Variants in MMEL1 observed in about 807,000 individuals in gnomAD.
MMEL1 encodes membrane metalloendopeptidase like 1, also known as membrane metallo-endopeptidase-like 1.
MMEL1 carries 98 observed loss-of-function variants against 117.1 expected under a neutral mutation model. That is an observed-to-expected ratio of 0.84 (90% CI 0.71 to 0.99). MMEL1 has a LOEUF of 0.99. MMEL1 is among the 50% of genes least tolerant of loss of function. MMEL1 has a pLI of 0.00. For missense variants in MMEL1, 1,014 were observed against 1,049.1 expected, an observed-to-expected ratio of 0.97 and a Z score of 0.46; for synonymous variants, 390 against 415.1, an observed-to-expected ratio of 0.94 and a Z score of 0.74.
intron 22 of MMEL1, 131 bp from the exon 23 acceptor site, chr1:2,591,764 C>T (rs956401887): frequency 3.9e-6 from 4 of 1,027,958 alleles, no homozygotes; most frequent in Non-Finnish European, 6.1e-6. Flanking sequence ...TGCTCCCCTC[C>T]TCCCATCAGC....
In MMEL1 at chr1:2,591,973, C is replaced by T. The variant is rs144423087; in HGVS notation, c.2122G>A (p.Asp708Asn). ...AAGAAGAGCTGCTCATGGGTGAGAT[C>T]CAGGCCGGGCAGCTGCTGGTCCTTG... is the stretch of plus-strand genomic sequence containing the variant. Reference protein sequence around the residue: ...GGKDQQLPGLDLTHEQLFFIN... With the variant: ...GGKDQQLPGLNLTHEQLFFIN... Residue 708 changes from aspartate to asparagine, a missense_variant, in exon 22 of 24, where the codon GAT (aspartate) becomes AAT (asparagine). Physicochemically the swap from Asp to Asn is conservative, Grantham distance 23. Transcript: ENST00000378412. The T allele has an allele frequency of 1.5e-3, 2,409 of 1,613,340 alleles. 30 individuals are homozygous for T. Among genetic ancestry groups the T allele is most frequent in the South Asian group, 0.012 (1,103 of 91,086 alleles).
intron 4 of MMEL1, 109 bp downstream of exon 4, chr1:2,611,172 G>A (rs1645119502): frequency 4.5e-6 from 5 of 1,120,772 alleles, no homozygotes; most frequent in African/African-American, 3.2e-5. Context: ...TCCACCGCCC[G>A]CCGTGTCTTG....
chr1:2,594,392 G>A lies in MMEL1; in HGVS notation c.1740C>T (p.Asn580=). 6.4e-7 allele frequency: 1 copy of A among 1,551,842 alleles called. No individual in the cohort carries two copies. The highest frequency in any genetic ancestry group is 8.7e-7 in the Non-Finnish European group (1 of 1,147,020). ...GGAGGGGGAGGAACTTACCAATCTG[G>A]TTTCGGTTTGGGGAGTAGAACGCAT... is the stretch of plus-strand genomic sequence containing the variant. The part of the protein sequence containing the change: ...VVNAFYSPNR[N]QIVFPAGILQ... Residue 580 remains asparagine (N), a synonymous_variant, in exon 18 of 24, where the codon AAC becomes AAT. Transcript: ENST00000378412.
chr1:2,607,559 G>A (rs906016376), intron 6 of MMEL1, among the ~76,000 whole-genome samples: 2 of 152,232 alleles, frequency 1.3e-5, no homozygotes, highest in Admixed American at 1.3e-4. Context: ...GCCCCGACAA[G>A]CAGGGCTTTT....
rs537949401 is a variant in MMEL1, at chr1:2,590,931, C to T, written c.*59G>A. On this transcript the variant is annotated 3_prime_UTR_variant, in exon 24 of 24. Transcript: ENST00000378412. ...ACTGGGTCGCCGCTAGCTGCACCTT[C>T]GCACAGATGCCTCCGAGCAGCGGGT... 4.7e-5 allele frequency: 63 copies of T among 1,337,148 alleles called. No homozygotes were observed. Among genetic ancestry groups the T allele is most frequent in the South Asian group, 1.0e-4 (6 of 59,286 alleles). The allele number at this position is 1,337,148 out of a possible 1,614,324, so 82.8% of individuals were successfully genotyped here. A position where few individuals can be genotyped will look rare whatever the true frequency, so the allele number is the denominator to read the frequency against.
In MMEL1 at chr1:2,612,164, TAAG is replaced by T. The variant is rs746376168; in HGVS notation, c.192_194del (p.Phe64del). The T allele has an allele frequency of 8.2e-6, 13 of 1,582,494 alleles. 1 individual carries two copies. The Admixed American group carries it at 2.3e-4, about 28-fold the overall frequency. On this transcript the variant is annotated inframe_deletion, in exon 3 of 24. Coordinates refer to ENST00000378412, the MANE Select transcript of MMEL1 (RefSeq NM_033467.4). This position sits in a 1 kb window ranked among gnomAD's most constrained non-coding sequence, Gnocchi z 5.4. ...GTTTTACAAAGGTCCTCTCCTCCTG[TAAG>T]AAGCACAGCCGGCTAGCAAGGCGTG...
At position 2,597,718 on chromosome 1, in the gene MMEL1, C is replaced by A. The variant is rs140440581; in HGVS notation, c.1272+489G>T. On this transcript the variant is annotated intron_variant, in intron 13 of 23. Transcript: ENST00000378412. ...ACTACAGGAGCAGCATATCTGACCG[C>A]GTCTCTGCTCTTAGCACCCCTGCGG... Among the ~76,000 whole-genome samples the A allele has an allele frequency of 2.4e-3, 370 of 152,328 alleles. 2 individuals are homozygous for A. Among genetic ancestry groups the A allele is most frequent in the East Asian group, 0.023 (118 of 5,178 alleles).
In MMEL1 at chr1:2,612,311, G is replaced by A. The variant is rs766419410; in HGVS notation, c.155-107C>T. Reference sequence around the variant, plus strand: ...CCATCTTCCCACAGTGCTGGGTGCTGCAGCCCTACCCCTGTAGTGAGGGCT... The same window carrying A: ...CCATCTTCCCACAGTGCTGGGTGCTACAGCCCTACCCCTGTAGTGAGGGCT... On this transcript the variant is annotated intron_variant, in intron 2 of 23. Coordinates refer to ENST00000378412, the MANE Select transcript of MMEL1 (RefSeq NM_033467.4). The surrounding 1 kb of genome is among the most constrained non-coding windows in gnomAD (Gnocchi z 5.4). 2.2e-6 allele frequency: 2 copies of A among 907,994 alleles called. No homozygotes were observed. The highest frequency in any genetic ancestry group is 3.4e-6 in the Non-Finnish European group (2 of 580,184). 56.2% of individuals were successfully genotyped at this position (907,994 alleles called of 1,614,324 possible).
At chr1:2,615,568 G>C (rs548676231) in intron 2 of MMEL1, among the ~76,000 whole-genome samples, 2 of 152,326 alleles carry the variant, frequency 1.3e-5, no homozygotes, top group South Asian at 4.1e-4. Context: ...GAGGACATGA[G>C]GGAAAACGGG....
chr1:2,600,118 C>T (rs1198716936), intron 11 of MMEL1, among the ~76,000 whole-genome samples: 4 of 151,984 alleles, frequency 2.6e-5, no homozygotes, highest in Admixed American at 2.6e-4. Context: ...CAGGCATGTG[C>T]TAACACACCT....
At position 2,595,607 on chromosome 1, in the gene MMEL1, A is replaced by C. The variant is rs946322335; in HGVS notation, c.1501-248T>G. Among the ~76,000 whole-genome samples, 1 of 152,038 alleles carries C rather than the reference A, an allele frequency of 6.6e-6. No homozygotes were observed. The highest frequency in any genetic ancestry group is 6.5e-5 in the Admixed American group (1 of 15,272). On this transcript the variant is annotated intron_variant, in intron 15 of 23. Transcript: ENST00000378412. The surrounding 1 kb of genome is among the most constrained non-coding windows in gnomAD (Gnocchi z 4.8). ...CTGACCTAGAGCCCAACAGCCCGCCAGGGGTCCGGGTGGGGGCAGGGGCCC... is the reference window on the plus strand; with the variant it reads ...CTGACCTAGAGCCCAACAGCCCGCCCGGGGTCCGGGTGGGGGCAGGGGCCC...
At position 2,612,139 on chromosome 1, in the gene MMEL1, G is replaced by A. The variant is rs1051649996; in HGVS notation, c.220C>T (p.Arg74Ter). The change falls in exon 3 of 24, where the codon CGA becomes TGA. Residue 74 changes from arginine (R) to a stop codon, truncating the protein, a stop_gained. Transcript: ENST00000378412. LOFTEE classifies it high-confidence loss of function. This position sits in a 1 kb window ranked among gnomAD's most constrained non-coding sequence, Gnocchi z 5.4. ...AGGCAAAGGCTACCTCGGGGTTTTC[G>A]TTTTACAAAGGTCCTCTCCTCCTGT... ...FLQEERTFVK[R>*]KPRGIPEAQE... The A allele has an allele frequency of 1.1e-5, 18 of 1,579,676 alleles. No individual in the cohort carries two copies. Among genetic ancestry groups the A allele is most frequent in the East Asian group, 4.6e-5 (2 of 43,318 alleles).
chr1:2,629,228 G>T, intron 2 of MMEL1, 103 bp downstream of exon 2: 1 of 1,291,426 alleles, frequency 7.7e-7, no homozygotes, highest in Non-Finnish European at 1.0e-6. Context: ...CCCATCTGAC[G>T]GGCGGGCTCG....
chr1:2,604,485 G>T (rs545923237), intron 9 of MMEL1, among the ~76,000 whole-genome samples: 2 of 152,336 alleles, frequency 1.3e-5, no homozygotes, highest in South Asian at 2.1e-4. Context: ...ACTGGACGGG[G>T]TACCTAGTCT....
intron 12 of MMEL1, 129 bp downstream of exon 12, chr1:2,598,525 C>T: frequency 6.8e-7 from 1 of 1,460,638 alleles, no homozygotes; most frequent in South Asian, 1.3e-5. Flanking sequence ...AGCTTAACCC[C>T]TCATGTCCCA....
chr1:2,622,610 C>A (rs533582119), intron 2 of MMEL1, among the ~76,000 whole-genome samples: 1 of 152,042 alleles, frequency 6.6e-6, no homozygotes, highest in African/African-American at 2.4e-5. Context: ...CTTGGCCGGG[C>A]GCGGTGGCTC....
rs1557516139 is a variant in MMEL1, at chr1:2,592,304, G to GCGCCCCCCTCCCC, written c.2068-278_2068-277insGGGGAGGGGGGCG. On this transcript the variant is annotated intron_variant, in intron 21 of 23. Transcript: ENST00000378412. ...TGACGCCCCCTCCCCTGAGGCACTG[G>GCGCCCCCCTCCCC]TGCCCCCCTCCCCTGCAGCGCTGAT... is the stretch of plus-strand genomic sequence containing the variant. Among the ~76,000 whole-genome samples, 853 of 127,412 alleles carry GCGCCCCCCTCCCC rather than the reference G, an allele frequency of 6.7e-3. 61 individuals carry two copies. Among genetic ancestry groups the GCGCCCCCCTCCCC allele is most frequent in the African/African-American group, 0.024 (801 of 33,022 alleles). 83.6% of individuals were successfully genotyped at this position (127,412 alleles called of 152,430 possible).
chr1:2,600,542 A>AGG (rs1644914420), intron 11 of MMEL1, among the ~76,000 whole-genome samples: 4 of 151,996 alleles, frequency 2.6e-5, no homozygotes, highest in Admixed American at 6.5e-5. Flanking sequence ...CTGGGAAAAA[A>AGG]AAAAAAATCA....
At chr1:2,594,757 C>T in intron 17 of MMEL1, 33 bp downstream of exon 17, 10 of 1,577,386 alleles carry the variant, frequency 6.3e-6, no homozygotes, top group Non-Finnish European at 8.7e-6. Context: ...CCCTGGCCCC[C>T]CCCGCCCATG....
Sources: allele counts gnomAD v4.1 joint callset (sites outside exome capture counted in the v4.1 genomes callset), GRCh38; gene constraint gnomAD v4.1.1; non-coding constraint Gnocchi (gnomAD v3.1); transcripts MANE v1.5; gene names NCBI Gene and HGNC (gene_info 2026-07-23, HGNC 2026-07-21).